Variants in GALNT2 observed in about 807,000 individuals in gnomAD.
GALNT2 encodes the protein UDP-GalNAc:polypeptide N-acetylgalactosaminyltransferase 2.
A neutral mutation model predicts 81.4 loss-of-function variants in GALNT2; 31 were observed. The observed-to-expected ratio is 0.38, with a 90% confidence interval of 0.29 to 0.51. The LOEUF is 0.51. Ranked by LOEUF, GALNT2 falls within the 20% of genes least tolerant of loss-of-function variation. The pLI is 0.87. For missense variants in GALNT2, 629 were observed against 765.7 expected, an observed-to-expected ratio of 0.82 and a Z score of 2.11; for synonymous variants, 303 against 287.4, an observed-to-expected ratio of 1.05 and a Z score of -0.55.
chr1:230,136,667 T>A (rs1043869624), intron 1 of GALNT2, among the ~76,000 whole-genome samples: 1 of 152,180 alleles, frequency 6.6e-6, no homozygotes, highest in Non-Finnish European at 1.5e-5. Context: ...AGAGAGGACT[T>A]CAGAAATAAC....
chr1:230,168,292 T>C (rs549714224), intron 1 of GALNT2, among the ~76,000 whole-genome samples: 5 of 152,344 alleles, frequency 3.3e-5, no homozygotes, highest in Middle Eastern at 3.4e-3. Flanking sequence ...CTGACCTGCT[T>C]CATAAACTCT....
At chr1:230,215,494 A>G (rs372710441) in intron 3 of GALNT2, among the ~76,000 whole-genome samples, 6 of 152,296 alleles carry the variant, frequency 3.9e-5, no homozygotes, top group African/African-American at 1.4e-4. Context: ...TTTAGTGAGT[A>G]GGTTGGTCTA....
chr1:230,234,939 C>T (rs534233739), intron 3 of GALNT2, among the ~76,000 whole-genome samples: 7 of 152,304 alleles, frequency 4.6e-5, no homozygotes, highest in African/African-American at 9.6e-5. Context: ...TCTGACTGAG[C>T]ACAGTGGCTC....
chr1:230,145,407 A>G (rs1166463967), intron 1 of GALNT2, among the ~76,000 whole-genome samples: 2 of 152,174 alleles, frequency 1.3e-5, no homozygotes, highest in Non-Finnish European at 2.9e-5. Context: ...GTCTTCCCCC[A>G]AGGGAAGCTC....
At chr1:230,097,348 G>A (rs912215502) in intron 1 of GALNT2, among the ~76,000 whole-genome samples, 4 of 151,958 alleles carry the variant, frequency 2.6e-5, no homozygotes, top group South Asian at 4.2e-4. Context: ...GTACATCCAC[G>A]GAGCTCTTTC....
intron 1 of GALNT2, among the ~76,000 whole-genome samples, chr1:230,169,215 G>C (rs977793481): frequency 6.6e-6 from 1 of 152,214 alleles, no homozygotes; most frequent in African/African-American, 2.4e-5. Flanking sequence ...AGGAGTAAAG[G>C]CTGGACCCCC....
At chr1:230,278,291 T>TA (rs1558175772) in intron 15 of GALNT2, among the ~76,000 whole-genome samples, 5 of 151,822 alleles carry the variant, frequency 3.3e-5, no homozygotes, top group East Asian at 1.9e-4. Flanking sequence ...CTAATTTTTT[T>TA]TAAAAAAAAT....
chr1:230,096,010 C>T (rs146520408), intron 1 of GALNT2, among the ~76,000 whole-genome samples: 250 of 152,326 alleles, frequency 1.6e-3, no homozygotes, highest in Middle Eastern at 3.4e-3. Context: ...GAATGGCACC[C>T]GGAACTCCTG....
chr1:230,127,106 C>T (rs1344454561), intron 1 of GALNT2, among the ~76,000 whole-genome samples: 3 of 152,174 alleles, frequency 2.0e-5, no homozygotes, highest in Non-Finnish European at 2.9e-5. Flanking sequence ...AAACGTCCCC[C>T]CCTCCCATTG....
intron 1 of GALNT2, among the ~76,000 whole-genome samples, chr1:230,092,879 A>G (rs1660137031): frequency 6.6e-6 from 1 of 152,210 alleles, no homozygotes; most frequent in Non-Finnish European, 1.5e-5. Context: ...GTGAAGGAAA[A>G]AAGAAGTGGA....
chr1:230,193,182 G>T lies in GALNT2; in HGVS notation c.221-9955G>T, dbSNP rs1663582850. 6.6e-6 allele frequency among the ~76,000 whole-genome samples: 1 copy of T among 152,186 alleles called. No individual in the cohort carries two copies. Among genetic ancestry groups the T allele is most frequent in the Non-Finnish European group, 1.5e-5 (1 of 68,034 alleles). ...GTGGGGTAGCTTTAGATTTGTTTAA[G>T]CTGTCTTTCCTGGGGAGGATTTGAA... On this transcript the variant is annotated intron_variant, in intron 2 of 15. Coordinates refer to ENST00000366672, the MANE Select transcript of GALNT2 (RefSeq NM_004481.5). This position sits in a 1 kb window ranked among gnomAD's most constrained non-coding sequence, Gnocchi z 4.3.
At chr1:230,146,832 G>A (rs966667561) in intron 1 of GALNT2, among the ~76,000 whole-genome samples, 3 of 152,148 alleles carry the variant, frequency 2.0e-5, no homozygotes, top group African/African-American at 7.2e-5. Flanking sequence ...GCGGGGAGGC[G>A]TTATGCTGGA....
intron 6 of GALNT2, among the ~76,000 whole-genome samples, chr1:230,238,828 T>C (rs1665110185): frequency 6.6e-6 from 1 of 152,208 alleles, no homozygotes; most frequent in South Asian, 2.1e-4. Flanking sequence ...ATTTTTCCAG[T>C]TTTGGCATTA....
At chr1:230,220,049 T>C (rs752019583) in intron 3 of GALNT2, among the ~76,000 whole-genome samples, 3 of 152,228 alleles carry the variant, frequency 2.0e-5, no homozygotes, top group Non-Finnish European at 4.4e-5. Context: ...GTTAAAAAAA[T>C]ATCTAGAGAG....
chr1:230,134,388 T>C (rs1572002420), intron 1 of GALNT2, among the ~76,000 whole-genome samples: 2 of 152,346 alleles, frequency 1.3e-5, no homozygotes, highest in East Asian at 3.9e-4. Context: ...ATTACAGGTG[T>C]GAGCCACTGC....
chr1:230,146,820 T>A (rs1242144352), intron 1 of GALNT2, among the ~76,000 whole-genome samples: 2 of 152,012 alleles, frequency 1.3e-5, no homozygotes, highest in Non-Finnish European at 2.9e-5. Context: ...CCCCACGTGT[T>A]GGCGGGGAGG....
intron 1 of GALNT2, among the ~76,000 whole-genome samples, chr1:230,140,756 AG>A (rs1661705421): frequency 6.6e-6 from 1 of 152,144 alleles, no homozygotes; most frequent in South Asian, 2.1e-4. Flanking sequence ...CTCAGGGAAA[AG>A]CTTGTGCATA....
chr1:230,279,318 G>C lies in GALNT2; in HGVS notation c.1576G>C (p.Glu526Gln). ...NDSRQKWEQIEGNSKLRHVGS... is the reference protein window; with the variant it reads ...NDSRQKWEQIQGNSKLRHVGS... ...TGTCTTGCAGAAATGGGAACAGATC[G>C]AGGGCAACTCCAAGCTGAGGCACGT... Residue 526 changes from glutamate to glutamine, a missense_variant, in exon 16 of 16, where the codon GAG becomes CAG. Coordinates refer to ENST00000366672, the MANE Select transcript of GALNT2 (RefSeq NM_004481.5). The surrounding 1 kb of genome is among the most constrained non-coding windows in gnomAD (Gnocchi z 4.6). 3 of 1,614,122 alleles carry C rather than the reference G, an allele frequency of 1.9e-6. No homozygotes were observed. The highest frequency in any genetic ancestry group is 2.5e-6 in the Non-Finnish European group (3 of 1,180,008).
At chr1:230,166,452 A>G (rs1031619751) in intron 1 of GALNT2, among the ~76,000 whole-genome samples, 2 of 152,206 alleles carry the variant, frequency 1.3e-5, no homozygotes, top group Admixed American at 1.3e-4. Context: ...CACGTGGGTC[A>G]TATCATTTTA....
Sources: gnomAD v4.1 joint callset for allele counts (sites outside exome capture counted in the v4.1 genomes callset) on GRCh38, gnomAD v4.1.1 for gene constraint, Gnocchi (gnomAD v3.1) non-coding constraint, MANE v1.5 for transcripts, NCBI Gene and HGNC (gene_info 2026-07-23, HGNC 2026-07-21) for gene names.